Variants in TCL1A observed in about 807,000 individuals in gnomAD.
TCL1A encodes T-cell leukemia/lymphoma protein 1A.
TCL1A carries 9 observed loss-of-function variants against 16.9 expected under a neutral mutation model. The observed-to-expected ratio is 0.53, with a 90% CI of 0.32 to 0.93. TCL1A has a LOEUF of 0.93. Ranked by LOEUF, TCL1A falls within the 40% of genes least tolerant of loss-of-function variation. TCL1A has a pLI of 0.04. For synonymous variants in TCL1A, 69 were observed against 63.2 expected, an observed-to-expected ratio of 1.09 and a Z score of -0.44; for missense variants, 139 against 153.0, an observed-to-expected ratio of 0.91 and a Z score of 0.48.
chr14:95,713,710 C>A (rs141384924), intron 1 of TCL1A, among the ~76,000 whole-genome samples: 2 of 152,304 alleles, frequency 1.3e-5, no homozygotes, highest in East Asian at 1.9e-4. Flanking sequence ...TATAGTCACA[C>A]TCCACAGGCA....
At chr14:95,713,592 C>G (rs552773977) in intron 1 of TCL1A, among the ~76,000 whole-genome samples, 1 of 152,180 alleles carries the variant, frequency 6.6e-6, no homozygotes, top group East Asian at 1.9e-4. Context: ...TTTCTGGGAC[C>G]CACCTGAGAT....
rs947575931 is a variant in TCL1A at position 95,712,254 on chromosome 14, T to C, written c.263A>G (p.Asp88Gly). The C allele has an allele frequency of 1.9e-6, 3 of 1,613,714 alleles. No homozygotes were observed. The highest frequency in any genetic ancestry group is 2.5e-6 in the Non-Finnish European group (3 of 1,179,930). ...GTACACTAAGCGCCAGAAACTGGAG[T>C]CTGAGGATCGGTATCGTCCATCAGG... ...LYPDGRYRSS[D>G]SSFWRLVYHI... is the part of the protein sequence containing the mutation. Residue 88 changes from aspartate to glycine, a missense_variant, in exon 2 of 4, where the codon GAC (aspartate) becomes GGC (glycine). By Grantham distance (94) the Asp-to-Gly change is moderately conservative (BLOSUM62 -1). Transcript: ENST00000402399.
rs766811067 is a variant in TCL1A, at chr14:95,714,060, C to G, written c.7G>C (p.Glu3Gln). ...ACTGCCTCCCCGAGTGTCGGGCACT[C>G]GGCCATGGCGTCCTCGGGCCGCCTA... MAECPTLGEAVTD... is the reference protein window; with the variant it reads MAQCPTLGEAVTD... Residue 3 changes from glutamate (E) to glutamine (Q), a missense_variant, in exon 1 of 4, where the codon GAG becomes CAG. Around this residue, in one of 2 missense-constraint regions of TCL1A, gnomAD observed 94 missense variants for 80.2 expected, o/e 1.17. Transcript: ENST00000402399. 1.2e-6 allele frequency: 2 copies of G among 1,613,734 alleles called. No homozygotes were observed. The highest frequency in any genetic ancestry group is 1.1e-5 in the South Asian group (1 of 91,064).
intron 1 of TCL1A, chr14:95,712,831 T>C (rs2139721556): frequency 1.9e-6 from 1 of 514,778 alleles, no homozygotes; most frequent in Middle Eastern, 3.4e-4. Context: ...ATACTGGCCT[T>C]TTCAATGATG....
intron 1 of TCL1A, 146 bp downstream of exon 1, chr14:95,713,801 C>T: frequency 7.6e-7 from 1 of 1,307,854 alleles, no homozygotes; most frequent in Non-Finnish European, 1.0e-6. Flanking sequence ...ATTCATCCTC[C>T]AGAGCCCGGC....
intron 1 of TCL1A, among the ~76,000 whole-genome samples, chr14:95,713,652 T>A (rs1886453633): frequency 6.6e-6 from 1 of 152,232 alleles, no homozygotes; most frequent in African/African-American, 2.4e-5. Flanking sequence ...TACCCATTTT[T>A]AAGGATTAGG....
chr14:95,713,549 T>G (rs186005870), intron 1 of TCL1A, among the ~76,000 whole-genome samples: 2 of 152,314 alleles, frequency 1.3e-5, no homozygotes, highest in South Asian at 2.1e-4. Flanking sequence ...TGGTTGACCC[T>G]AAACTGTTGA....
At chr14:95,712,009 G>T in intron 2 of TCL1A, 1 of 864,576 alleles carries the variant, frequency 1.2e-6, no homozygotes, top group Non-Finnish European at 1.8e-6. Flanking sequence ...CTAGCTGGTG[G>T]CTGGGAGGAA....
chr14:95,712,333 T>G lies in TCL1A; in HGVS notation c.184A>C (p.Met62Leu). 1 of 1,614,048 alleles carries G rather than the reference T, an allele frequency of 6.2e-7. No individual in the cohort carries two copies. Among genetic ancestry groups the G allele is most frequent in the African/African-American group, 1.3e-5 (1 of 75,014 alleles). ...CTTGGGCCTATCTGGGTGGGGGTCA[T>G]AGGCCTCCCCAGGACGACGTCTTCC... is the stretch of plus-strand genomic sequence containing the variant. ...RREDVVLGRP[M>L]TPTQIGPSLL... The change falls in exon 2 of 4, where the codon ATG becomes CTG. Residue 62 changes from methionine (M) to leucine (L), a missense_variant. Physicochemically the swap from Met to Leu is conservative, Grantham distance 15. Coordinates refer to ENST00000402399, the MANE Select transcript of TCL1A (RefSeq NM_021966.3).
chr14:95,712,566 A>G (rs1014740523), intron 1 of TCL1A, 170 bp from the exon 2 acceptor site: 79 of 1,479,836 alleles, frequency 5.3e-5, no homozygotes, highest in Non-Finnish European at 7.1e-5. Context: ...TAGGCCATGC[A>G]TGCTCCTCTC....
At chr14:95,713,643 A>G (rs1257798069) in intron 1 of TCL1A, among the ~76,000 whole-genome samples, 1 of 152,156 alleles carries the variant, frequency 6.6e-6, no homozygotes, top group Non-Finnish European at 1.5e-5. Context: ...ACTTAGAGAT[A>G]CCCATTTTTA....
At chr14:95,712,011 TGGGA>T in intron 2 of TCL1A, 1 of 852,734 alleles carries the variant, frequency 1.2e-6, no homozygotes, top group Non-Finnish European at 1.8e-6. Context: ...AGCTGGTGGC[TGGGA>T]GGAAGTGGAG....
intron 2 of TCL1A, 122 bp downstream of exon 2, chr14:95,712,098 C>T: frequency 8.0e-7 from 1 of 1,255,030 alleles, no homozygotes. Flanking sequence ...TGCACTTGTA[C>T]ATTTCCCCCA....
chr14:95,714,001 C>T lies in TCL1A; in HGVS notation c.66G>A (p.Glu22=), dbSNP rs1267093023. The part of the protein sequence containing the change: ...TDHPDRLWAW[E]KFVYLDEKQH... Reference sequence around the variant, plus strand: ...GCTTCTCGTCCAAATACACGAACTTCTCCCAGGCCCACAGGCGGTCCGGGT... The same window carrying T: ...GCTTCTCGTCCAAATACACGAACTTTTCCCAGGCCCACAGGCGGTCCGGGT... Residue 22 remains glutamate (E), a synonymous_variant, in exon 1 of 4, where the codon GAG becomes GAA. Transcript: ENST00000402399. 1 of 1,614,138 alleles carries T rather than the reference C, an allele frequency of 6.2e-7. No individual in the cohort carries two copies. Among genetic ancestry groups the T allele is most frequent in the Non-Finnish European group, 8.5e-7 (1 of 1,180,030 alleles).
chr14:95,711,793 C>A lies in TCL1A; in HGVS notation c.307G>T (p.Val103Leu), dbSNP rs112842119. The stretch of plus-strand genomic sequence containing the variant: ...AGCAGCTCGAGAAGCATGTCCTCCA[C>A]GCCGTCAATCTGAGAGGCAGAGAGA... ...RLVYHIKIDG[V>L]EDMLLELLPD... Residue 103 changes from valine (V) to leucine (L), a missense_variant, in exon 3 of 4, where the codon GTG becomes TTG. Val to Leu is a conservative substitution (Grantham distance 32). Around this residue, in one of 2 missense-constraint regions of TCL1A, gnomAD observed 45 missense variants for 72.8 expected, o/e 0.62. Coordinates refer to ENST00000402399, the MANE Select transcript of TCL1A (RefSeq NM_021966.3). 11 of 1,611,566 alleles carry A rather than the reference C, an allele frequency of 6.8e-6. No homozygotes were observed. Among genetic ancestry groups the A allele is most frequent in the Non-Finnish European group, 3.4e-6 (4 of 1,179,958 alleles).
intron 1 of TCL1A, chr14:95,712,719 A>G: frequency 7.5e-7 from 1 of 1,326,064 alleles, no homozygotes; most frequent in Non-Finnish European, 9.9e-7. Flanking sequence ...AGGCAGGAGG[A>G]TCGCTTGAGG....
Position 95,712,369 on chromosome 14 carries a change from G to C in TCL1A, c.148C>G (p.Leu50Val), listed in dbSNP as rs953278120. The C allele has an allele frequency of 6.2e-7, 1 of 1,613,152 alleles. No homozygotes were observed. The highest frequency in any genetic ancestry group is 8.5e-7 in the Non-Finnish European group (1 of 1,179,384). ...AGGACGACGTCTTCCCGACGCAAGAGCACCCGTAACTGTAACCTATCCTTT... is the reference window on the plus strand; with the variant it reads ...AGGACGACGTCTTCCCGACGCAAGACCACCCGTAACTGTAACCTATCCTTT... ...EIKDRLQLRV[L>V]LRREDVVLGR... is the part of the protein sequence containing the mutation. Residue 50 changes from leucine (L) to valine (V), a missense_variant, in exon 2 of 4, where the codon CTC (leucine) becomes GTC (valine). This residue lies in a region of TCL1A where 94 missense variants were observed against 80.2 expected (regional missense o/e 1.17). Coordinates refer to ENST00000402399, the MANE Select transcript of TCL1A (RefSeq NM_021966.3).
In TCL1A at chr14:95,712,322, G is replaced by A; in HGVS notation, c.195C>T (p.Thr65=). Residue 65 remains threonine, a synonymous_variant, in exon 2 of 4, where the codon ACC becomes ACT. Coordinates refer to ENST00000402399, the MANE Select transcript of TCL1A (RefSeq NM_021966.3). ...DVVLGRPMTP[T]QIGPSLLPIM... ...TAGGCAGCAGGCTTGGGCCTATCTGGGTGGGGGTCATAGGCCTCCCCAGGA... is the reference window on the plus strand; with the variant it reads ...TAGGCAGCAGGCTTGGGCCTATCTGAGTGGGGGTCATAGGCCTCCCCAGGA... 6.2e-7 allele frequency: 1 copy of A among 1,614,126 alleles called. No individual in the cohort carries two copies.
chr14:95,713,874 C>G, intron 1 of TCL1A, 73 bp downstream of exon 1: 1 of 1,590,282 alleles, frequency 6.3e-7, no homozygotes, highest in Non-Finnish European at 8.5e-7. Context: ...TGAGTCCTCG[C>G]CCTTCCTAGG....
Sources: allele counts gnomAD v4.1 joint callset (sites outside exome capture counted in the v4.1 genomes callset), GRCh38; gene constraint gnomAD v4.1.1; regional missense constraint gnomAD v4.1.1; transcripts MANE v1.5; gene names NCBI Gene and HGNC (gene_info 2026-07-23, HGNC 2026-07-21).